Variants in SLC24A2 observed in about 807,000 individuals in gnomAD.
SLC24A2 encodes the protein sodium/potassium/calcium exchanger 2.
Under a neutral mutation model 62.0 loss-of-function variants are expected in SLC24A2, and 36 were observed. The ratio of observed to expected loss-of-function variants is 0.58; its 90% confidence interval spans 0.44 to 0.77. The LOEUF (loss-of-function observed/expected upper bound fraction) is 0.77, where lower values mean the gene tolerates loss of function less well. Among genes scored for constraint, SLC24A2 ranks in the 30% least tolerant of loss-of-function variants. The probability of loss-of-function intolerance (pLI) is 0.00; values close to 1 mark genes in which losing one functional copy is unlikely to be tolerated. For synonymous variants in SLC24A2, 358 were observed against 294.0 expected, an observed-to-expected ratio of 1.22 and a Z score of -2.23; for missense variants, 846 against 817.9, an observed-to-expected ratio of 1.03 and a Z score of -0.42.
chr9:19,564,200 T>C (rs983312503), intron 7 of SLC24A2, among the ~76,000 whole-genome samples: 13 of 149,082 alleles, frequency 8.7e-5, no homozygotes, highest in Non-Finnish European at 1.5e-4. Context: ...CTAAATTTAA[T>C]AGTAGGAAGA....
At chr9:19,781,077 C>T (rs139962185) in intron 2 of SLC24A2, among the ~76,000 whole-genome samples, 142 of 152,036 alleles carry the variant, frequency 9.3e-4, no homozygotes, top group African/African-American at 3.2e-3. Flanking sequence ...GTAAACTTTC[C>T]GGTTAAAAGA....
chr9:19,918,720 C>G, the SLC24A2 span, among the ~76,000 whole-genome samples: 1 of 152,140 alleles, frequency 6.6e-6, no homozygotes. Context: ...TCATATGAAT[C>G]CAAGACCCAC....
intron 2 of SLC24A2, among the ~76,000 whole-genome samples, chr9:19,733,902 A>G (rs1418966191): frequency 6.6e-6 from 1 of 152,184 alleles, no homozygotes; most frequent in East Asian, 1.9e-4. Context: ...AAACAAATAA[A>G]TACTCTTATT....
chr9:20,096,218 G>A, the SLC24A2 span, among the ~76,000 whole-genome samples: 1 of 152,124 alleles, frequency 6.6e-6, no homozygotes, highest in African/African-American at 2.4e-5. Context: ...TTTGAAAACT[G>A]TTGTTATAGA....
At chr9:19,550,689 A>C (rs1490482524) in intron 7 of SLC24A2, among the ~76,000 whole-genome samples, 1 of 134,064 alleles carries the variant, frequency 7.5e-6, no homozygotes. Context: ...GCACTGATAA[A>C]AAATATTTCT....
chr9:19,544,593 T>C (rs202070663), intron 8 of SLC24A2, among the ~76,000 whole-genome samples: 1 of 152,160 alleles, frequency 6.6e-6, no homozygotes, highest in South Asian at 2.1e-4. Flanking sequence ...ATGTTTAGTG[T>C]TTCCTTCAGG....
At position 19,786,685 on chromosome 9, in the gene SLC24A2, T is replaced by G; in HGVS notation, c.182A>C (p.Glu61Ala). 1 of 1,613,200 alleles carries G rather than the reference T, an allele frequency of 6.2e-7. No homozygotes were observed. The highest frequency in any genetic ancestry group is 1.1e-5 in the South Asian group (1 of 90,980). The change falls in exon 2 of 11, where the codon GAG becomes GCG. Residue 61 changes from glutamate to alanine, a missense_variant. Glu to Ala is a moderately radical substitution (Grantham distance 107). Coordinates refer to ENST00000341998, the MANE Select transcript of SLC24A2 (RefSeq NM_020344.4). This position sits in a 1 kb window ranked among gnomAD's most constrained non-coding sequence, Gnocchi z 5.0. ...TVSFSISAFS[E>A]TDTQSTGEAS... The stretch of plus-strand genomic sequence containing the variant: ...CTCTCCTGTGCTCTGTGTATCTGTC[T>G]CAGAAAAGGCACTGATTGAAAATGA...
At chr9:19,767,670 C>A (rs1199369839) in intron 2 of SLC24A2, among the ~76,000 whole-genome samples, 1 of 152,158 alleles carries the variant, frequency 6.6e-6, no homozygotes, top group Non-Finnish European at 1.5e-5. Flanking sequence ...AACCGGGTAC[C>A]TCAGTTGGAA....
chr9:20,129,782 G>T, the SLC24A2 span, among the ~76,000 whole-genome samples: 7 of 152,090 alleles, frequency 4.6e-5, no homozygotes, highest in African/African-American at 1.7e-4. Flanking sequence ...AGATGGGGAG[G>T]AGAATAAGAG....
At chr9:19,986,490 T>A in the SLC24A2 span, among the ~76,000 whole-genome samples, 1 of 152,184 alleles carries the variant, frequency 6.6e-6, no homozygotes, top group Non-Finnish European at 1.5e-5. Context: ...TGTACACTCA[T>A]GTTAATAACA....
the SLC24A2 span, among the ~76,000 whole-genome samples, chr9:20,184,289 C>T: frequency 6.6e-6 from 1 of 152,174 alleles, no homozygotes; most frequent in Admixed American, 6.5e-5. Context: ...GAGGCTCACG[C>T]CTGTTAATCC....
At chr9:20,060,328 C>A in the SLC24A2 span, among the ~76,000 whole-genome samples, 89 of 152,116 alleles carry the variant, frequency 5.9e-4, 1 homozygote, top group East Asian at 0.015. Context: ...ATTCCTCATA[C>A]CAAAGTCAGA....
intron 2 of SLC24A2, among the ~76,000 whole-genome samples, chr9:19,657,988 T>C (rs1042475330): frequency 3.9e-5 from 6 of 152,152 alleles, no homozygotes; most frequent in African/African-American, 1.4e-4. Context: ...TTCCTGCTTG[T>C]AGTGAGAGTT....
chr9:20,269,217 G>C, the SLC24A2 span, among the ~76,000 whole-genome samples: 1 of 152,040 alleles, frequency 6.6e-6, no homozygotes, highest in Non-Finnish European at 1.5e-5. Context: ...AAGTTTTGTG[G>C]CTCTCCCTTA....
chr9:20,027,527 C>T, the SLC24A2 span, among the ~76,000 whole-genome samples: 6 of 151,982 alleles, frequency 3.9e-5, no homozygotes, highest in African/African-American at 2.4e-5. Context: ...GAGGACATTA[C>T]GTTAAGTAAA....
At chr9:19,573,829 C>T (rs1466301192) in intron 6 of SLC24A2, among the ~76,000 whole-genome samples, 5 of 152,102 alleles carry the variant, frequency 3.3e-5, no homozygotes, top group East Asian at 1.9e-4. Context: ...GCAAATTTAC[C>T]AACTAGCTAC....
chr9:19,808,728 C>G, the SLC24A2 span, among the ~76,000 whole-genome samples: 4 of 152,156 alleles, frequency 2.6e-5, no homozygotes, highest in Non-Finnish European at 5.9e-5. This position sits in a 1 kb window ranked among gnomAD's most constrained non-coding sequence, Gnocchi z 4.1. Context: ...AGGTTATACC[C>G]CAGTTCCATT....
At position 19,758,119 on chromosome 9, in the gene SLC24A2, T is replaced by C. The variant is rs543427527; in HGVS notation, c.930+27818A>G. ...TATGTTATAGCAACACAAAACAGAC[T>C]AAGATACATACCAACAGAGAAAGTG... On this transcript the variant is annotated intron_variant, in intron 2 of 10. Transcript: ENST00000341998. Among the ~76,000 whole-genome samples the C allele has an allele frequency of 1.2e-4, 19 of 152,280 alleles. 1 individual carries two copies. In the South Asian group the frequency reaches 3.1e-3, roughly 25 times the overall value.
chr9:19,815,834 G>T, the SLC24A2 span, among the ~76,000 whole-genome samples: 1 of 151,954 alleles, frequency 6.6e-6, no homozygotes, highest in Non-Finnish European at 1.5e-5. Flanking sequence ...CATCACACTG[G>T]ATTATAAAAC....
Sources: gnomAD v4.1 joint callset for allele counts (sites outside exome capture counted in the v4.1 genomes callset) on GRCh38, gnomAD v4.1.1 for gene constraint, Gnocchi (gnomAD v3.1) non-coding constraint, MANE v1.5 for transcripts, NCBI Gene and HGNC (gene_info 2026-07-23, HGNC 2026-07-21) for gene names.